GABRB3: variants seen among roughly 807,000 people sequenced by gnomAD.
The protein encoded by GABRB3 is gamma-aminobutyric acid type A receptor subunit beta3, also known as gamma-aminobutyric acid receptor subunit beta-3.
A neutral mutation model predicts 52.1 loss-of-function variants in GABRB3; 14 were observed. The observed-to-expected ratio is 0.27, with a 90% CI of 0.18 to 0.42. The LOEUF is 0.42. Among genes scored for constraint, GABRB3 ranks in the 10% least tolerant of loss-of-function variants. The pLI is 1.00. For synonymous variants in GABRB3, 260 were observed against 232.3 expected, an observed-to-expected ratio of 1.12 and a Z score of -1.08; for missense variants, 307 against 609.1, an observed-to-expected ratio of 0.50 and a Z score of 5.22.
chr15:26,622,867 G>C (rs1595491398), intron 3 of GABRB3, among the ~76,000 whole-genome samples: 1 of 152,174 alleles, frequency 6.6e-6, no homozygotes, highest in Admixed American at 6.5e-5. Context: ...ACGTTTTTAA[G>C]CTTTGAGTCC....
intron 3 of GABRB3, among the ~76,000 whole-genome samples, chr15:26,667,387 G>A (rs1887749668): frequency 6.6e-6 from 1 of 152,038 alleles, no homozygotes; most frequent in Non-Finnish European, 1.5e-5. Flanking sequence ...CATCTTAACT[G>A]CTCTGACTAA....
intron 3 of GABRB3, among the ~76,000 whole-genome samples, chr15:26,702,842 C>T (rs1888979541): frequency 6.6e-6 from 1 of 152,180 alleles, no homozygotes; most frequent in African/African-American, 2.4e-5. Context: ...AACGAAATAG[C>T]TGTAACAAAA....
intron 3 of GABRB3, among the ~76,000 whole-genome samples, chr15:26,635,454 G>T (rs183465356): frequency 3.0e-4 from 46 of 151,986 alleles, no homozygotes; most frequent in Admixed American, 1.3e-4. Flanking sequence ...TGTATTATTA[G>T]ATTTGCTAAA....
At chr15:26,723,890 C>T (rs948716237) in intron 3 of GABRB3, among the ~76,000 whole-genome samples, 3 of 152,076 alleles carry the variant, frequency 2.0e-5, no homozygotes, top group African/African-American at 7.2e-5. Context: ...TACCAGTGTT[C>T]CCTGACTTCC....
At chr15:26,658,912 A>G (rs1337353087) in intron 3 of GABRB3, 1 of 152,244 alleles carries the variant, frequency 6.6e-6, no homozygotes, top group African/African-American at 2.4e-5. Context: ...CATTTGGATG[A>G]TAGGTCATAG....
chr15:26,549,332 G>A (rs1005535429), intron 8 of GABRB3, among the ~76,000 whole-genome samples: 19 of 152,160 alleles, frequency 1.2e-4, no homozygotes, highest in African/African-American at 2.2e-4. Context: ...GGATAAGACC[G>A]CCGGTGGGAT....
chr15:26,764,178 AAATATATATATATATATATATATATATAT>A (rs1235484371), intron 3 of GABRB3, among the ~76,000 whole-genome samples: 9 of 12,884 alleles, frequency 7.0e-4, no homozygotes, highest in Middle Eastern at 0.024. Flanking sequence ...AAAAAAAAAA[AAATATATATATATATATATATATATATAT>A]ATATATATAT....
In GABRB3 at chr15:26,621,388, T is replaced by C. The variant is rs1477528173; in HGVS notation, c.387A>G (p.Ser129=). 2 of 1,614,192 alleles carry C rather than the reference T, an allele frequency of 1.2e-6. No individual in the cohort carries two copies. The highest frequency in any genetic ancestry group is 1.7e-6 in the Non-Finnish European group (2 of 1,180,028). ...TTTTCACTGTCACTCCATGCACAAATGACTTTTTGTCATTTAAGAAATATG... is the reference window on the plus strand; with the variant it reads ...TTTTCACTGTCACTCCATGCACAAACGACTTTTTGTCATTTAAGAAATATG... The part of the protein sequence containing the change: ...PDTYFLNDKK[S]FVHGVTVKNR... Residue 129 remains serine (S), a synonymous_variant, in exon 4 of 9, where the codon TCA becomes TCG. Coordinates refer to ENST00000311550, the MANE Select transcript of GABRB3 (RefSeq NM_000814.6). The surrounding 1 kb of genome is among the most constrained non-coding windows in gnomAD (Gnocchi z 4.1).
chr15:26,709,515 C>CTTTTTTTTTTTTTTTTTTTT lies in GABRB3; in HGVS notation c.240+62867_240+62886dup, dbSNP rs57044167. Among the ~76,000 whole-genome samples, 15 of 91,998 alleles carry CTTTTTTTTTTTTTTTTTTTT rather than the reference C, an allele frequency of 1.6e-4. 1 individual carries two copies. The highest frequency in any genetic ancestry group is 2.3e-4 in the African/African-American group (6 of 26,528). 60.4% of individuals were successfully genotyped at this position (91,998 alleles called of 152,430 possible). ...TAAACCTCTTTTCTTTTTTTTCTTTCTTTTTTTTTTTTTTTTTTTTTTGAG... is the reference window on the plus strand; with the variant it reads ...TAAACCTCTTTTCTTTTTTTTCTTTCTTTTTTTTTTTTTTTTTTTTTTTTTTTTTTTTTTTTTTTTTTGAG... On this transcript the variant is annotated intron_variant, in intron 3 of 8. Transcript: ENST00000311550.
intron 3 of GABRB3, among the ~76,000 whole-genome samples, chr15:26,646,841 C>CTTTT (rs764640107): frequency 6.6e-6 from 1 of 152,108 alleles, no homozygotes; most frequent in Non-Finnish European, 1.5e-5. Context: ...CATATAACTT[C>CTTTT]TTTTTTGTTT....
chr15:26,698,028 T>C (rs1319707670), intron 3 of GABRB3, among the ~76,000 whole-genome samples: 1 of 152,162 alleles, frequency 6.6e-6, no homozygotes, highest in East Asian at 1.9e-4. Flanking sequence ...GAGTCCCAGC[T>C]CATCAACTAA....
intron 3 of GABRB3, among the ~76,000 whole-genome samples, chr15:26,690,196 G>A (rs1888544956): frequency 6.7e-6 from 1 of 148,992 alleles, no homozygotes; most frequent in African/African-American, 2.5e-5. Context: ...TCCCGCCACA[G>A]CATTCTGAGT....
chr15:26,629,922 T>G (rs887603027), intron 3 of GABRB3, among the ~76,000 whole-genome samples: 2 of 152,030 alleles, frequency 1.3e-5, no homozygotes, highest in Admixed American at 6.6e-5. Context: ...ACGTTTGGCT[T>G]CTGGTTAAGG....
At chr15:26,768,824 G>T (rs952736704) in intron 3 of GABRB3, among the ~76,000 whole-genome samples, 1 of 151,630 alleles carries the variant, frequency 6.6e-6, no homozygotes. Flanking sequence ...AAGAATGTAC[G>T]AAAAGAAACA....
chr15:26,625,950 G>A (rs1251055685), intron 3 of GABRB3, among the ~76,000 whole-genome samples: 3 of 152,128 alleles, frequency 2.0e-5, no homozygotes, highest in East Asian at 3.9e-4. Context: ...TTAGATACAC[G>A]CCTGCCTTAC....
intron 4 of GABRB3, chr15:26,614,383 G>C (rs1892182804): frequency 6.6e-6 from 1 of 152,118 alleles, no homozygotes; most frequent in Non-Finnish European, 1.5e-5. Flanking sequence ...AAGTGAGTCA[G>C]GCAATCTTCA....
chr15:26,738,283 A>G lies in GABRB3; in HGVS notation c.240+34119T>C, dbSNP rs190348951. ...TTTTTAGTAGAGACGGGGTTTCACA[A>G]TGTTGGCCAGGCTGGTCTAGAACTC... On this transcript the variant is annotated intron_variant, in intron 3 of 8. Transcript: ENST00000311550. 1.2e-4 allele frequency among the ~76,000 whole-genome samples: 18 copies of G among 152,052 alleles called. No individual in the cohort carries two copies. The East Asian group carries it at 1.6e-3, about 13-fold the overall frequency.
rs933190264 is a variant in GABRB3, at chr15:26,687,552, C to T, written c.241-66018G>A. Among the ~76,000 whole-genome samples the T allele has an allele frequency of 2.6e-5, 4 of 152,106 alleles. No individual in the cohort carries two copies. In the South Asian group the frequency reaches 8.3e-4, roughly 32 times the overall value. On this transcript the variant is annotated intron_variant, in intron 3 of 8. Coordinates refer to ENST00000311550, the MANE Select transcript of GABRB3 (RefSeq NM_000814.6). ...CCCTTCTCTCTTTGCTTCATTCCTT[C>T]CTCTCTTCCCTTTTCCCTCTCTCCC...
chr15:26,568,918 TC>T (rs1890289291), intron 6 of GABRB3, among the ~76,000 whole-genome samples: 1 of 152,102 alleles, frequency 6.6e-6, no homozygotes, highest in Non-Finnish European at 1.5e-5. Context: ...TTTTCTGGAT[TC>T]TGATGGAGCT....
Sources: gnomAD v4.1 joint callset for allele counts (sites outside exome capture counted in the v4.1 genomes callset) on GRCh38, gnomAD v4.1.1 for gene constraint, Gnocchi (gnomAD v3.1) non-coding constraint, MANE v1.5 for transcripts, NCBI Gene and HGNC (gene_info 2026-07-23, HGNC 2026-07-21) for gene names.